Variants in CYFIP1 observed in about 807,000 individuals in gnomAD.
CYFIP1 encodes cytoplasmic FMR1 interacting protein 1, also known as cytoplasmic FMR1-interacting protein 1.
Under a neutral mutation model 163.5 loss-of-function variants are expected in CYFIP1, and 58 were observed. The observed-to-expected ratio is 0.35, with a 90% CI of 0.29 to 0.44. The LOEUF (loss-of-function observed/expected upper bound fraction) is 0.44, where lower values mean the gene tolerates loss of function less well. CYFIP1 is among the 20% of genes least tolerant of loss of function. The pLI, the probability that CYFIP1 is intolerant of heterozygous loss-of-function variation, is 1.00. For synonymous variants in CYFIP1, 663 were observed against 660.7 expected, an observed-to-expected ratio of 1.00 and a Z score of -0.05; for missense variants, 1,338 against 1,653.8, an observed-to-expected ratio of 0.81 and a Z score of 3.31.
rs1789233271 is a variant in CYFIP1 at position 22,917,735 on chromosome 15, C to G, written c.1674+53G>C. 1 of 1,522,636 alleles carries G rather than the reference C, an allele frequency of 6.6e-7. No individual in the cohort carries two copies. The highest frequency in any genetic ancestry group is 2.0e-5 in the Admixed American group (1 of 49,544). The allele number at this position is 1,522,636 out of a possible 1,614,324, so 94.3% of individuals were successfully genotyped here. ...TCACCAGCCCCACCCGCTCACAGCT[C>G]AGGGTGGGTCCCCCCAGGGAGAGGG... On this transcript the variant is annotated intron_variant, in intron 15 of 30. Transcript: ENST00000617928. The surrounding 1 kb of genome is among the most constrained non-coding windows in gnomAD (Gnocchi z 4.2).
rs976033954 is a variant in CYFIP1, at chr15:22,867,949, C to CTCAT, written c.*2075_*2078dup. ...CTCCATTCAGCTTTGAACCTATCCA[C>CTCAT]TCATAACCATTGACTGGCCTTTAAA... On this transcript the variant is annotated 3_prime_UTR_variant, in exon 31 of 31. Transcript: ENST00000617928. The CTCAT allele has an allele frequency of 6.6e-6, 1 of 152,242 alleles. No individual in the cohort carries two copies. Among genetic ancestry groups the CTCAT allele is most frequent in the African/African-American group, 2.4e-5 (1 of 41,464 alleles). 9.4% of individuals were successfully genotyped at this position (152,242 alleles called of 1,614,324 possible). A position where few individuals can be genotyped will look rare whatever the true frequency, so the allele number is the denominator to read the frequency against.
At chr15:22,963,494 A>AATAACATAAC (rs56889524) in intron 1 of CYFIP1, among the ~76,000 whole-genome samples, 2,377 of 138,012 alleles carry the variant, frequency 0.017, 38 homozygotes, top group African/African-American at 0.027. Flanking sequence ...CTGTTTCAAA[A>AATAACATAAC]ATAACATAAC....
Position 22,945,853 on chromosome 15 carries a change from G to C in CYFIP1, c.208-914C>G, listed in dbSNP as rs182116575. Among the ~76,000 whole-genome samples the C allele has an allele frequency of 4.1e-3, 620 of 152,250 alleles. 4 individuals carry two copies. Among genetic ancestry groups the C allele is most frequent in the African/African-American group, 0.014 (594 of 41,518 alleles). ...CCACTTTGGCCTCCCAAAATGCTGGGATTACAGGCGTGGGCCACTGCGCCC... is the reference window on the plus strand; with the variant it reads ...CCACTTTGGCCTCCCAAAATGCTGGCATTACAGGCGTGGGCCACTGCGCCC... On this transcript the variant is annotated intron_variant, in intron 3 of 30. Transcript: ENST00000617928.
chr15:22,898,069 T>A (rs1334627037), intron 22 of CYFIP1, among the ~76,000 whole-genome samples: 1 of 152,106 alleles, frequency 6.6e-6, no homozygotes, highest in Non-Finnish European at 1.5e-5. Context: ...CTCTCTGAAC[T>A]TGGTCCAGAA....
At chr15:22,941,777 A>G (rs1379024838) in intron 6 of CYFIP1, among the ~76,000 whole-genome samples, 1 of 152,100 alleles carries the variant, frequency 6.6e-6, no homozygotes, top group East Asian at 1.9e-4. Context: ...TTTACAGACT[A>G]GGCTTTAGAA....
intron 23 of CYFIP1, among the ~76,000 whole-genome samples, chr15:22,888,872 C>T (rs1420919682): frequency 6.6e-6 from 1 of 151,864 alleles, no homozygotes; most frequent in East Asian, 1.9e-4. Context: ...GAAACCCTGT[C>T]TCGACTAAAA....
intron 23 of CYFIP1, among the ~76,000 whole-genome samples, chr15:22,891,459 G>C (rs968925226): frequency 6.6e-6 from 1 of 152,202 alleles, no homozygotes; most frequent in Non-Finnish European, 1.5e-5. Flanking sequence ...ATATTTTCAA[G>C]GACATAATGT....
chr15:22,930,003 A>G (rs1443949920), intron 11 of CYFIP1, among the ~76,000 whole-genome samples: 1 of 151,938 alleles, frequency 6.6e-6, no homozygotes, highest in Non-Finnish European at 1.5e-5. Flanking sequence ...GGCGTCATTC[A>G]CCAGGATGTT....
chr15:22,964,381 ACACACACACACACACACACACACACACC>A (rs1272885848), intron 1 of CYFIP1, among the ~76,000 whole-genome samples: 1 of 142,898 alleles, frequency 7.0e-6, no homozygotes, highest in African/African-American at 2.8e-5. Context: ...ACACACACAC[ACACACACACACACACACACACACACACC>A]CGGCAGCCCT....
chr15:22,966,269 A>G (rs2062901080), intron 1 of CYFIP1, among the ~76,000 whole-genome samples: 1 of 151,684 alleles, frequency 6.6e-6, no homozygotes, highest in Non-Finnish European at 1.5e-5. Context: ...GCTACTCAGA[A>G]GGCTGAGGCA....
At chr15:22,975,069 CATG>C (rs1176178759) in intron 1 of CYFIP1, among the ~76,000 whole-genome samples, 1 of 152,128 alleles carries the variant, frequency 6.6e-6, no homozygotes, top group African/African-American at 2.4e-5. Flanking sequence ...TCCTCTTCCT[CATG>C]ATTTTCTTAA....
At chr15:22,926,436 T>C (rs1047377000) in intron 12 of CYFIP1, among the ~76,000 whole-genome samples, 9 of 151,928 alleles carry the variant, frequency 5.9e-5, no homozygotes, top group Non-Finnish European at 1.5e-5. Context: ...ACTTGGGAGG[T>C]TGAGGCAGGA....
Position 22,910,805 on chromosome 15 carries a change from T to C in CYFIP1, c.2091A>G (p.Leu697=), listed in dbSNP as rs370848916. 9.9e-6 allele frequency: 16 copies of C among 1,613,356 alleles called. No homozygotes were observed. Among genetic ancestry groups the C allele is most frequent in the East Asian group, 4.5e-5 (2 of 44,872 alleles). The change falls in exon 19 of 31, where the codon CTA becomes CTG. Residue 697 remains leucine, a synonymous_variant. Coordinates refer to ENST00000617928, the MANE Select transcript of CYFIP1 (RefSeq NM_014608.6). ...GCTTGTAAACAAATTGGTCAAAACA[T>C]AGATTCACCTGAAGAAAAAGAAAGC... is the stretch of plus-strand genomic sequence containing the variant. ...LYDEIEAEVN[L]CFDQFVYKLA... is the part of the protein sequence containing the mutation.
intron 1 of CYFIP1, 66 bp from the exon 2 acceptor site, chr15:22,947,357 G>T: frequency 6.3e-7 from 1 of 1,579,660 alleles, no homozygotes. Flanking sequence ...AAGCTTCGAG[G>T]TTGGGTACCC....
At chr15:22,914,016 C>A (rs1462357086) in intron 17 of CYFIP1, among the ~76,000 whole-genome samples, 1 of 152,212 alleles carries the variant, frequency 6.6e-6, no homozygotes, top group Non-Finnish European at 1.5e-5. Context: ...ATGAGACACA[C>A]CCTTTTCCAA....
At chr15:22,906,112 T>A (rs569046407) in intron 21 of CYFIP1, among the ~76,000 whole-genome samples, 1 of 151,964 alleles carries the variant, frequency 6.6e-6, no homozygotes, top group East Asian at 1.9e-4. Context: ...TCGATTTATT[T>A]TTTTTTTTCT....
At chr15:22,907,382 G>A (rs1490839950) in intron 21 of CYFIP1, among the ~76,000 whole-genome samples, 1 of 152,158 alleles carries the variant, frequency 6.6e-6, no homozygotes, top group Non-Finnish European at 1.5e-5. Flanking sequence ...AAAGGACTGT[G>A]GTATCCCCAG....
intron 29 of CYFIP1, 141 bp downstream of exon 29, chr15:22,873,350 A>G: frequency 1.5e-6 from 1 of 682,562 alleles, no homozygotes; most frequent in Non-Finnish European, 2.5e-6. Flanking sequence ...AATCCCCACT[A>G]CAGGAGGCTT....
At chr15:22,898,545 CTTATT>C (rs2060301962) in intron 22 of CYFIP1, among the ~76,000 whole-genome samples, 1 of 152,042 alleles carries the variant, frequency 6.6e-6, no homozygotes. Context: ...GCAATTCTTT[CTTATT>C]TTGAGACAAG....
Sources: gnomAD v4.1 joint callset for allele counts (sites outside exome capture counted in the v4.1 genomes callset) on GRCh38, gnomAD v4.1.1 for gene constraint, Gnocchi (gnomAD v3.1) non-coding constraint, MANE v1.5 for transcripts, NCBI Gene and HGNC (gene_info 2026-07-23, HGNC 2026-07-21) for gene names.